Variants in GMPR observed in about 807,000 individuals in gnomAD.
GMPR encodes the protein guanosine monophosphate reductase, also known as GMP reductase 1.
In GMPR, 31 loss-of-function variants were observed where a neutral mutation model predicts 38.4. The ratio of observed to expected loss-of-function variants is 0.81; its 90% CI spans 0.61 to 1.09. The LOEUF is 1.09. Among genes scored for constraint, GMPR ranks in the 50% least tolerant of loss-of-function variants. The probability of loss-of-function intolerance (pLI) is 0.00; values close to 1 mark genes in which losing one functional copy is unlikely to be tolerated. For synonymous variants in GMPR, 162 were observed against 173.3 expected (o/e 0.93, Z 0.51); for missense variants, 468 against 453.7 (o/e 1.03, Z -0.29).
intron 2 of GMPR, among the ~76,000 whole-genome samples, chr6:16,247,673 C>T (rs748334860): frequency 1.3e-5 from 2 of 152,144 alleles, no homozygotes; most frequent in Non-Finnish European, 2.9e-5. Flanking sequence ...CCATGCCCGG[C>T]CTGTATCTCT....
intron 4 of GMPR, among the ~76,000 whole-genome samples, chr6:16,273,019 T>G (rs1211998779): frequency 6.6e-6 from 1 of 152,160 alleles, no homozygotes; most frequent in Non-Finnish European, 1.5e-5. Context: ...CTTTTATGCT[T>G]ATTGAAAGTA....
At chr6:16,245,223 G>A (rs1424549321) in intron 1 of GMPR, among the ~76,000 whole-genome samples, 1 of 152,174 alleles carries the variant, frequency 6.6e-6, no homozygotes, top group African/African-American at 2.4e-5. Context: ...GTGCCACTGC[G>A]TAGGTTCGTG....
intron 4 of GMPR, among the ~76,000 whole-genome samples, chr6:16,265,803 A>G (rs143700225): frequency 1.3e-5 from 2 of 152,052 alleles, no homozygotes; most frequent in African/African-American, 2.4e-5. Flanking sequence ...CGGATAACCC[A>G]CTCCGGAACC....
In GMPR at chr6:16,277,812, G is replaced by T. The variant is rs151316889; in HGVS notation, c.548-972G>T. On this transcript the variant is annotated intron_variant, in intron 5 of 8. Coordinates refer to ENST00000259727, the MANE Select transcript of GMPR (RefSeq NM_006877.4). Reference sequence around the variant, plus strand: ...TTTGGCTAGGCGGGCTGGTACAGAGGGGAGTGTCCAAGAGAGAGAACATTG... The same window carrying T: ...TTTGGCTAGGCGGGCTGGTACAGAGTGGAGTGTCCAAGAGAGAGAACATTG... 1.7e-4 allele frequency among the ~76,000 whole-genome samples: 26 copies of T among 152,240 alleles called. No individual in the cohort carries two copies. The East Asian group carries it at 1.7e-3, about 10-fold the overall frequency.
At chr6:16,276,839 CG>C (rs1316068124) in intron 5 of GMPR, among the ~76,000 whole-genome samples, 1 of 152,188 alleles carries the variant, frequency 6.6e-6, no homozygotes, top group Non-Finnish European at 1.5e-5. Context: ...GCATCAGAAA[CG>C]GATTCCCTGC....
intron 7 of GMPR, among the ~76,000 whole-genome samples, chr6:16,288,943 C>T (rs1319568599): frequency 6.6e-6 from 1 of 152,190 alleles, no homozygotes; most frequent in Non-Finnish European, 1.5e-5. Flanking sequence ...CACCAATCAG[C>T]GCCCTGACAA....
In GMPR at chr6:16,295,222, G is replaced by T; in HGVS notation, c.*36G>T. 1 of 1,459,554 alleles carries T rather than the reference G, an allele frequency of 6.9e-7. No homozygotes were observed. The highest frequency in any genetic ancestry group is 9.1e-7 in the Non-Finnish European group (1 of 1,103,090). The allele number at this position is 1,459,554 out of a possible 1,614,324, so 90.4% of individuals were successfully genotyped here. A position where few individuals can be genotyped will look rare whatever the true frequency, so the allele number is the denominator to read the frequency against. On this transcript the variant is annotated 3_prime_UTR_variant, in exon 9 of 9. Transcript: ENST00000259727. The stretch of plus-strand genomic sequence containing the variant: ...AAAGCAGCGTCTGGCTCGAGTGGAA[G>T]CGTCCAAACCTGCTTTTCCCATCTC...
chr6:16,287,485 G>C (rs1042987804), intron 7 of GMPR, among the ~76,000 whole-genome samples: 1 of 152,260 alleles, frequency 6.6e-6, no homozygotes, highest in Middle Eastern at 3.4e-3. Flanking sequence ...CAGTCAGTGC[G>C]GCCGTACCTG....
intron 2 of GMPR, 59 bp downstream of exon 2, chr6:16,247,020 G>A: frequency 1.3e-6 from 2 of 1,541,606 alleles, no homozygotes; most frequent in Non-Finnish European, 1.8e-6. Context: ...CAGGTTATCA[G>A]GAGCCGACCC....
intron 1 of GMPR, 102 bp from the exon 2 acceptor site, chr6:16,246,740 T>C (rs1758763286): frequency 8.8e-7 from 1 of 1,132,650 alleles, no homozygotes; most frequent in Non-Finnish European, 1.3e-6. Context: ...GGGACCTTTG[T>C]CTTGTTCCTA....
chr6:16,258,167 G>A (rs1001260498), intron 4 of GMPR: 4 of 152,206 alleles, frequency 2.6e-5, no homozygotes, highest in African/African-American at 9.7e-5. Context: ...AGTCAGAGAT[G>A]GAGAAGAAAG....
At chr6:16,266,562 G>A (rs1759238244) in intron 4 of GMPR, among the ~76,000 whole-genome samples, 2 of 151,510 alleles carry the variant, frequency 1.3e-5, no homozygotes, top group African/African-American at 4.8e-5. Context: ...TGGCACTTTG[G>A]GAGGCCGAGA....
At chr6:16,283,970 A>T (rs1759624317) in intron 6 of GMPR, among the ~76,000 whole-genome samples, 1 of 152,244 alleles carries the variant, frequency 6.6e-6, no homozygotes, top group Non-Finnish European at 1.5e-5. Flanking sequence ...AAATAAATAA[A>T]TATGCCAGGA....
At chr6:16,289,848 A>ATTTTTTTTTTTTTTTTTTTTTTTTTTTT (rs546450494) in intron 7 of GMPR, 1 of 63,150 alleles carries the variant, frequency 1.6e-5, no homozygotes, top group African/African-American at 7.1e-5. Flanking sequence ...ATACTGCCCA[A>ATTTTTTTTTTTTTTTTTTTTTTTTTTTT]TTTTTTTTTT....
intron 6 of GMPR, among the ~76,000 whole-genome samples, chr6:16,280,694 A>G (rs1052504557): frequency 1.3e-5 from 2 of 152,198 alleles, no homozygotes; most frequent in African/African-American, 4.8e-5. Flanking sequence ...ATCACCAGAG[A>G]GGCTTTTACA....
intron 3 of GMPR, among the ~76,000 whole-genome samples, chr6:16,250,889 AG>A (rs1259439853): frequency 2.3e-5 from 3 of 128,518 alleles, no homozygotes; most frequent in African/African-American, 8.9e-5. Flanking sequence ...AAAAAAAAAA[AG>A]ACAATAAATG....
intron 6 of GMPR, 79 bp from the exon 7 acceptor site, chr6:16,285,714 C>A: frequency 8.4e-7 from 1 of 1,188,334 alleles, no homozygotes; most frequent in Middle Eastern, 1.9e-4. Context: ...CCCCCAGTCA[C>A]TAGGTCATCT....
intron 7 of GMPR, among the ~76,000 whole-genome samples, chr6:16,289,305 C>G (rs1461204437): frequency 2.0e-5 from 3 of 152,222 alleles, no homozygotes; most frequent in Admixed American, 6.5e-5. Context: ...AAGAACCCAC[C>G]AGTTCCGAAC....
chr6:16,258,831 G>A (rs1368324969), intron 4 of GMPR, among the ~76,000 whole-genome samples: 3 of 152,166 alleles, frequency 2.0e-5, no homozygotes, highest in Non-Finnish European at 2.9e-5. Flanking sequence ...AATGAATGAT[G>A]TAATATGAGG....
Sources: gnomAD v4.1 joint callset for allele counts (sites outside exome capture counted in the v4.1 genomes callset) on GRCh38, gnomAD v4.1.1 for gene constraint, MANE v1.5 for transcripts, NCBI Gene and HGNC (gene_info 2026-07-23, HGNC 2026-07-21) for gene names.